The following NRXN3 variants were observed in gnomAD, a reference collection of about 807,000 sequenced individuals.
NRXN3 encodes neurexin 3.
NRXN3 carries 32 observed loss-of-function variants against 137.6 expected under a neutral mutation model. That is an observed-to-expected ratio of 0.23 (90% CI 0.18 to 0.31). The LOEUF (loss-of-function observed/expected upper bound fraction) is 0.31, where lower values mean the gene tolerates loss of function less well. Among genes scored for constraint, NRXN3 ranks in the 10% least tolerant of loss-of-function variants. The probability of loss-of-function intolerance (pLI) is 1.00; values close to 1 mark genes in which losing one functional copy is unlikely to be tolerated. For missense variants in NRXN3, 1,574 were observed against 2,062.5 expected (o/e 0.76, Z 4.59); for synonymous variants, 798 against 784.5 (o/e 1.02, Z -0.29).
intron 8 of NRXN3, among the ~76,000 whole-genome samples, chr14:78,764,182 A>G (rs8012678): frequency 0.21 from 32,192 of 152,140 alleles, 4,564 homozygotes; most frequent in African/African-American, 0.39. Context: ...CATACAATTT[A>G]CAAACTAGTT....
chr14:78,257,215 A>G (rs1193782389), intron 2 of NRXN3, among the ~76,000 whole-genome samples: 1 of 152,244 alleles, frequency 6.6e-6, no homozygotes, highest in Admixed American at 6.5e-5. Context: ...TCTCTGAACT[A>G]TCTCCAAGCT....
intron 19 of NRXN3, among the ~76,000 whole-genome samples, chr14:79,800,351 A>T (rs1452652546): frequency 6.6e-6 from 1 of 152,234 alleles, no homozygotes; most frequent in Non-Finnish European, 1.5e-5. Flanking sequence ...GGTTACAGTG[A>T]ATACTAAATT....
intron 15 of NRXN3, among the ~76,000 whole-genome samples, chr14:79,124,618 C>T (rs6574493): frequency 0.33 from 50,174 of 151,932 alleles, 8,895 homozygotes; most frequent in Admixed American, 0.47. Context: ...GTTAAATAAA[C>T]GTGAGTGTAT....
At chr14:78,639,370 C>T (rs1207848458) in intron 4 of NRXN3, among the ~76,000 whole-genome samples, 1 of 152,194 alleles carries the variant, frequency 6.6e-6, no homozygotes, top group African/African-American at 2.4e-5. Context: ...GGCTCCCACT[C>T]CTTTCTGGAG....
chr14:79,184,933 T>A (rs1245376003), intron 15 of NRXN3, among the ~76,000 whole-genome samples: 2 of 152,090 alleles, frequency 1.3e-5, no homozygotes, highest in Non-Finnish European at 2.9e-5. Flanking sequence ...GGCTCTCAGG[T>A]TTTTTTGATA....
intron 4 of NRXN3, among the ~76,000 whole-genome samples, chr14:78,637,655 T>C (rs2097578705): frequency 6.6e-6 from 1 of 152,226 alleles, no homozygotes; most frequent in African/African-American, 2.4e-5. Flanking sequence ...CAGAGCTGGC[T>C]GCCAAACCCG....
chr14:79,082,283 C>G (rs1051966671), intron 15 of NRXN3, among the ~76,000 whole-genome samples: 1 of 151,962 alleles, frequency 6.6e-6, no homozygotes, highest in African/African-American at 2.4e-5. Flanking sequence ...ATACACACCT[C>G]ATCAGATGGA....
chr14:79,200,828 ATTTTTTTTTTTT>A (rs56194422), intron 15 of NRXN3, among the ~76,000 whole-genome samples: 7 of 59,084 alleles, frequency 1.2e-4, no homozygotes, highest in South Asian at 2.1e-3. Flanking sequence ...TGTGAGCTGT[ATTTTTTTTTTTT>A]TTTTTTTTTT....
At chr14:78,546,551 T>A (rs1333988948) in intron 4 of NRXN3, among the ~76,000 whole-genome samples, 1 of 152,234 alleles carries the variant, frequency 6.6e-6, no homozygotes, top group East Asian at 1.9e-4. Context: ...TCGTAGAGAA[T>A]GTTTTCCCCG....
chr14:78,273,149 C>T (rs1438969548), intron 2 of NRXN3, among the ~76,000 whole-genome samples: 2 of 152,176 alleles, frequency 1.3e-5, no homozygotes, highest in East Asian at 1.9e-4. Context: ...TTTGTCCTCA[C>T]GTTCACCCTC....
intron 3 of NRXN3, among the ~76,000 whole-genome samples, chr14:78,285,607 A>G (rs917087318): frequency 1.2e-4 from 19 of 152,178 alleles, no homozygotes; most frequent in Non-Finnish European, 1.3e-4. Context: ...GGTGTTTACA[A>G]CTGTGCCCTC....
At chr14:79,044,609 A>G (rs1351957743) in intron 15 of NRXN3, among the ~76,000 whole-genome samples, 1 of 152,158 alleles carries the variant, frequency 6.6e-6, no homozygotes, top group Non-Finnish European at 1.5e-5. Context: ...TTGAAAACAT[A>G]GTTGACTTGT....
At chr14:78,968,142 AT>A (rs1238550215) in intron 13 of NRXN3, 30 bp from the exon 14 acceptor site, 2 of 1,422,712 alleles carry the variant, frequency 1.4e-6, no homozygotes, top group African/African-American at 3.1e-5. Context: ...TCCTTTACTC[AT>A]TCTCTTTTGC....
chr14:78,886,394 C>A (rs927337685), intron 10 of NRXN3, among the ~76,000 whole-genome samples: 3 of 152,032 alleles, frequency 2.0e-5, no homozygotes, highest in African/African-American at 4.8e-5. Flanking sequence ...GTACCTGATA[C>A]AGAGTTCATG....
chr14:78,941,481 A>G (rs2099352818), intron 10 of NRXN3, among the ~76,000 whole-genome samples: 1 of 152,148 alleles, frequency 6.6e-6, no homozygotes, highest in South Asian at 2.1e-4. Flanking sequence ...AAGCATTTCT[A>G]GTTCCTCTAC....
chr14:78,789,875 G>T (rs1224586454), intron 8 of NRXN3, among the ~76,000 whole-genome samples: 1 of 152,038 alleles, frequency 6.6e-6, no homozygotes. Flanking sequence ...TGCCTAAGCT[G>T]AATTCTCACA....
At chr14:79,609,526 A>C (rs1382833369) in intron 16 of NRXN3, among the ~76,000 whole-genome samples, 1 of 152,200 alleles carries the variant, frequency 6.6e-6, no homozygotes, top group African/African-American at 2.4e-5. Flanking sequence ...ACTAGGAAGA[A>C]AAAAGCAAAT....
chr14:78,747,593 A>G (rs1417537919), intron 8 of NRXN3, among the ~76,000 whole-genome samples: 2 of 151,986 alleles, frequency 1.3e-5, no homozygotes, highest in African/African-American at 4.8e-5. Flanking sequence ...TGAACTAAGA[A>G]CCCTCTACTT....
intron 1 of NRXN3, among the ~76,000 whole-genome samples, chr14:78,225,308 G>A (rs923466862): frequency 1.3e-5 from 2 of 152,130 alleles, no homozygotes; most frequent in African/African-American, 4.8e-5. Context: ...GGTGTGAGAT[G>A]GTATCTCATT....
Sources: allele counts gnomAD v4.1 joint callset (sites outside exome capture counted in the v4.1 genomes callset), GRCh38; gene constraint gnomAD v4.1.1; transcripts MANE v1.5; gene names NCBI Gene and HGNC (gene_info 2026-07-23, HGNC 2026-07-21).